The following TTLL9 variants were observed in gnomAD, a reference collection of about 807,000 sequenced individuals.
TTLL9 encodes the protein probable tubulin polyglutamylase TTLL9.
A neutral mutation model predicts 65.6 loss-of-function variants in TTLL9; 47 were observed. The observed-to-expected ratio is 0.72, with a 90% CI of 0.57 to 0.91. TTLL9 has a LOEUF of 0.91. TTLL9 is among the 40% of genes least tolerant of loss of function. TTLL9 has a pLI of 0.00. For missense variants in TTLL9, 537 were observed against 568.8 expected (o/e 0.94, Z 0.57); for synonymous variants, 179 against 204.8 (o/e 0.87, Z 1.07).
intron 12 of TTLL9, among the ~76,000 whole-genome samples, chr20:31,935,859 TG>T (rs2064100014): frequency 6.6e-6 from 1 of 152,170 alleles, no homozygotes; most frequent in Non-Finnish European, 1.5e-5. Flanking sequence ...CCCTTAGGCC[TG>T]GACAAGAGGG....
At chr20:31,873,734 GAAAA>G (rs1555799846) in intron 2 of TTLL9, among the ~76,000 whole-genome samples, 4 of 103,698 alleles carry the variant, frequency 3.9e-5, no homozygotes, top group East Asian at 5.3e-4. Flanking sequence ...AAGAAAGAAA[GAAAA>G]AGGAAGGAAG....
At chr20:31,906,050 A>AT (rs1714175070) in intron 4 of TTLL9, among the ~76,000 whole-genome samples, 1 of 151,302 alleles carries the variant, frequency 6.6e-6, no homozygotes, top group African/African-American at 2.4e-5. Context: ...AAAAAAAAAA[A>AT]AAAAAGGAAA....
At chr20:31,873,059 C>T (rs957561404) in intron 2 of TTLL9, 1 of 516,082 alleles carries the variant, frequency 1.9e-6, no homozygotes, top group African/African-American at 1.9e-5. Context: ...GTGACAGTGA[C>T]CTGGGATAGA....
chr20:31,918,284 G>A (rs770667338), intron 6 of TTLL9, among the ~76,000 whole-genome samples: 7 of 152,106 alleles, frequency 4.6e-5, no homozygotes, highest in East Asian at 3.9e-4. Context: ...GTGTTTGTCC[G>A]AGATGACGAG....
At chr20:31,891,160 T>C (rs922111239) in intron 3 of TTLL9, among the ~76,000 whole-genome samples, 5 of 152,212 alleles carry the variant, frequency 3.3e-5, no homozygotes, top group African/African-American at 1.2e-4. Flanking sequence ...AAGTGTGTTC[T>C]ACCAGCAGAG....
Position 31,944,071 on chromosome 20 carries a change from C to T in TTLL9, c.*1050C>T. 3.0e-6 allele frequency: 1 copy of T among 334,230 alleles called. No individual in the cohort carries two copies. The highest frequency in any genetic ancestry group is 2.4e-5 in the South Asian group (1 of 41,468). 20.7% of individuals were successfully genotyped at this position (334,230 alleles called of 1,614,324 possible). A position where few individuals can be genotyped will look rare whatever the true frequency, so the allele number is the denominator to read the frequency against. On this transcript the variant is annotated 3_prime_UTR_variant, in exon 15 of 15. Transcript: ENST00000535842. ...TTTTGGAAGGAAAATACTGGCAAAT[C>T]CAAGAAGTGAACCAGCCGACTTTAG... is the stretch of plus-strand genomic sequence containing the variant.
chr20:31,924,955 A>T, intron 8 of TTLL9, 54 bp from the exon 9 acceptor site: 1 of 1,603,296 alleles, frequency 6.2e-7, no homozygotes, highest in Non-Finnish European at 8.5e-7. Flanking sequence ...AACCTAGCAC[A>T]ATGTCTGACG....
intron 3 of TTLL9, among the ~76,000 whole-genome samples, chr20:31,888,575 G>T (rs930217143): frequency 6.6e-6 from 1 of 152,098 alleles, no homozygotes; most frequent in African/African-American, 2.4e-5. Context: ...GGGTTCAAGC[G>T]ATTCTGCTGC....
intron 3 of TTLL9, among the ~76,000 whole-genome samples, chr20:31,887,855 C>CCTCTTCTCTTCTCTTCTCTTCTATT (rs2063216290): frequency 1.7e-5 from 2 of 114,926 alleles, no homozygotes; most frequent in Non-Finnish European, 3.5e-5. Flanking sequence ...TATCTCCTCT[C>CCTCTTCTCTTCTCTTCTCTTCTATT]CTCTTCTCTT....
At chr20:31,924,902 C>T in intron 8 of TTLL9, 107 bp from the exon 9 acceptor site, 2 of 1,244,920 alleles carry the variant, frequency 1.6e-6, no homozygotes, top group Non-Finnish European at 2.3e-6. Flanking sequence ...GCAGGAGCTT[C>T]ATGAAGGCGG....
rs200319476 is a variant in TTLL9 at position 31,919,891 on chromosome 20, T to A, written c.532T>A (p.Phe178Ile). 1 of 1,592,988 alleles carries A rather than the reference T, an allele frequency of 6.3e-7. No homozygotes were observed. The highest frequency in any genetic ancestry group is 2.4e-5 in the East Asian group (1 of 42,084). Reference protein sequence around the residue: ...PVARSQGKGIFLFRRLKDIVD... With the variant: ...PVARSQGKGIILFRRLKDIVD... ...AGCCCGGTCTCAAGGGAAAGGCATC[T>A]TCCTCTTCCGTAGGCTGAAGGACAT... Residue 178 changes from phenylalanine to isoleucine, a missense_variant, in exon 7 of 15, where the codon TTC (phenylalanine) becomes ATC (isoleucine). By Grantham distance (21) the Phe-to-Ile change is conservative. Coordinates refer to ENST00000535842, the MANE Select transcript of TTLL9 (RefSeq NM_001008409.5).
rs368143304 is a variant in TTLL9 at position 31,898,607 on chromosome 20, T to G, written c.206+42T>G. The G allele has an allele frequency of 1.8e-3, 2,775 of 1,565,920 alleles. 1 individual carries two copies. The highest frequency in any genetic ancestry group is 2.3e-3 in the Non-Finnish European group (2,637 of 1,138,022). ...AGCCTTGTCCCTCCTTCCCTTTGTC[T>G]CACAGGTCCTTGTCTTCCTTTGTTT... On this transcript the variant is annotated intron_variant, in intron 4 of 14. Transcript: ENST00000535842.
rs774430370 is a variant in TTLL9 at position 31,943,802 on chromosome 20, G to T, written c.*781G>T. The T allele has an allele frequency of 2.2e-6, 1 of 456,704 alleles. No homozygotes were observed. Among genetic ancestry groups the T allele is most frequent in the South Asian group, 1.5e-5 (1 of 64,566 alleles). The allele number at this position is 456,704 out of a possible 1,614,324, so 28.3% of individuals were successfully genotyped here. ...GAGATTGGGAGCTGAGCCAGAAACC[G>T]GAAAACCCTGGGCTCATGGGCAGGA... On this transcript the variant is annotated 3_prime_UTR_variant, in exon 15 of 15. Coordinates refer to ENST00000535842, the MANE Select transcript of TTLL9 (RefSeq NM_001008409.5).
intron 3 of TTLL9, among the ~76,000 whole-genome samples, chr20:31,888,030 A>G (rs1038604763): frequency 4.0e-5 from 6 of 150,864 alleles, no homozygotes; most frequent in African/African-American, 1.5e-4. Flanking sequence ...GATTACAGGT[A>G]TGCGCCACCG....
chr20:31,930,382 C>T (rs757395902), intron 10 of TTLL9, among the ~76,000 whole-genome samples: 1 of 152,156 alleles, frequency 6.6e-6, no homozygotes, highest in Non-Finnish European at 1.5e-5. Flanking sequence ...TTAGAATTAG[C>T]ATTTCTTCCA....
At chr20:31,890,158 T>C (rs200327259) in intron 3 of TTLL9, among the ~76,000 whole-genome samples, 545 of 43,152 alleles carry the variant, frequency 0.013, 1 homozygote, top group East Asian at 0.033. Flanking sequence ...TCCTTCCTTC[T>C]TTCTTTCTTT....
chr20:31,926,777 G>A (rs2063912786), intron 10 of TTLL9, among the ~76,000 whole-genome samples: 1 of 152,112 alleles, frequency 6.6e-6, no homozygotes, highest in African/African-American at 2.4e-5. Flanking sequence ...AGCATGTCTA[G>A]AACAGTGTTT....
At chr20:31,883,998 A>C (rs1307104738) in intron 2 of TTLL9, 2 of 484,906 alleles carry the variant, frequency 4.1e-6, no homozygotes, top group Non-Finnish European at 7.6e-6. Flanking sequence ...GAAAGAAGTA[A>C]GTAAGTCTGC....
At chr20:31,897,383 G>C (rs977019275) in intron 3 of TTLL9, among the ~76,000 whole-genome samples, 1 of 152,202 alleles carries the variant, frequency 6.6e-6, no homozygotes, top group Admixed American at 6.5e-5. Flanking sequence ...CTCTGTTTCA[G>C]TCCTCATATT....
Sources: allele counts gnomAD v4.1 joint callset (sites outside exome capture counted in the v4.1 genomes callset), GRCh38; gene constraint gnomAD v4.1.1; transcripts MANE v1.5; gene names NCBI Gene and HGNC (gene_info 2026-07-23, HGNC 2026-07-21).